The following SLC12A3 variants were observed in gnomAD, a reference collection of about 807,000 sequenced individuals.
SLC12A3 encodes the protein solute carrier family 12 member 3, also known as Na-Cl cotransporter.
Under a neutral mutation model 121.0 loss-of-function variants are expected in SLC12A3, and 104 were observed. The observed-to-expected ratio is 0.86, with a 90% CI of 0.73 to 1.01. SLC12A3 has a LOEUF of 1.01. Among genes scored for constraint, SLC12A3 ranks in the 50% least tolerant of loss-of-function variants. SLC12A3 has a pLI of 0.00. For synonymous variants in SLC12A3, 536 were observed against 533.4 expected, an observed-to-expected ratio of 1.00 and a Z score of -0.07; for missense variants, 1,328 against 1,356.3, an observed-to-expected ratio of 0.98 and a Z score of 0.33.
rs59478629 is a variant in SLC12A3, at chr16:56,873,374, CTTTTTTTTT to C, written c.1095+609_1095+617del. On this transcript the variant is annotated intron_variant, in intron 8 of 25. Transcript: ENST00000563236. Reference sequence around the variant, plus strand: ...AAGTCTGTTCTGTTTCTCTTTCTTTCTTTTTTTTTTTTTTTTTTTTTTTTTTTTTGAGAT... The same window carrying C: ...AAGTCTGTTCTGTTTCTCTTTCTTTCTTTTTTTTTTTTTTTTTTTTGAGAT... Among the ~76,000 whole-genome samples the C allele has an allele frequency of 8.0e-4, 60 of 75,392 alleles. 1 individual carries two copies. Among genetic ancestry groups the C allele is most frequent in the Non-Finnish European group, 6.6e-4 (27 of 41,104 alleles). The allele number at this position is 75,392 out of a possible 152,430, so 49.5% of individuals were successfully genotyped here.
At chr16:56,868,687 G>A (rs1437517742) in intron 3 of SLC12A3, among the ~76,000 whole-genome samples, 3 of 152,220 alleles carry the variant, frequency 2.0e-5, no homozygotes, top group Non-Finnish European at 2.9e-5. Flanking sequence ...CTCTGGCCGG[G>A]CACGGTGGCT....
chr16:56,892,956 A>G lies in SLC12A3; in HGVS notation c.2423A>G (p.Asp808Gly). Reference sequence around the variant, plus strand: ...GACCCGCCCCCACCTCCTGCAGTGGACCCCAAGGCCCTGGTGAAGGAGGAG... The same window carrying G: ...GACCCGCCCCCACCTCCTGCAGTGGGCCCCAAGGCCCTGGTGAAGGAGGAG... ...EDGKEASARV[D>G]PKALVKEEQA... The change falls in exon 21 of 26, where the codon GAC becomes GGC. Residue 808 changes from aspartate to glycine, a missense_variant. Coordinates refer to ENST00000563236, the MANE Select transcript of SLC12A3 (RefSeq NM_001126108.2). 1 of 1,613,854 alleles carries G rather than the reference A, an allele frequency of 6.2e-7. No homozygotes were observed. The highest frequency in any genetic ancestry group is 8.5e-7 in the Non-Finnish European group (1 of 1,179,810).
intron 11 of SLC12A3, 59 bp downstream of exon 11, chr16:56,879,708 A>C: frequency 7.8e-7 from 1 of 1,275,956 alleles, no homozygotes; most frequent in South Asian, 1.2e-5. Flanking sequence ...CTAGAGGCAC[A>C]ATAGGGCGGG....
At chr16:56,892,387 C>T (rs1042770167) in intron 20 of SLC12A3, among the ~76,000 whole-genome samples, 3 of 152,098 alleles carry the variant, frequency 2.0e-5, no homozygotes, top group Admixed American at 6.6e-5. Flanking sequence ...GGCAGGAGTT[C>T]CAGGCTGCAG....
chr16:56,881,163 C>T (rs2055235176), intron 12 of SLC12A3, among the ~76,000 whole-genome samples: 1 of 152,226 alleles, frequency 6.6e-6, no homozygotes, highest in Non-Finnish European at 1.5e-5. Flanking sequence ...GGCCAGCCTC[C>T]CTGGGCTCAT....
At position 56,865,240 on chromosome 16, in the gene SLC12A3, C is replaced by T. The variant is rs1365506259; in HGVS notation, c.5C>T (p.Ala2Val). 1.9e-6 allele frequency: 3 copies of T among 1,613,470 alleles called. No homozygotes were observed. Among genetic ancestry groups the T allele is most frequent in the Non-Finnish European group, 2.5e-6 (3 of 1,179,994 alleles). Residue 2 changes from alanine (A) to valine (V), a missense_variant, in exon 1 of 26, where the codon GCA (alanine) becomes GTA (valine). By Grantham distance (64) the Ala-to-Val change is moderately conservative (BLOSUM62 0). Coordinates refer to ENST00000563236, the MANE Select transcript of SLC12A3 (RefSeq NM_001126108.2). Reference protein sequence around the residue: MAELPTTETPGD... With the variant: MVELPTTETPGD... ...TCCCTGGACACCCAGGCGACAATGGCAGAACTGCCCACAACAGAGACGCCT... is the reference window on the plus strand; with the variant it reads ...TCCCTGGACACCCAGGCGACAATGGTAGAACTGCCCACAACAGAGACGCCT...
intron 19 of SLC12A3, among the ~76,000 whole-genome samples, chr16:56,891,478 C>T (rs774629688): frequency 3.9e-5 from 6 of 151,912 alleles, no homozygotes; most frequent in African/African-American, 9.7e-5. Flanking sequence ...TTGGAGTCCG[C>T]GTCTCTTGCA....
chr16:56,909,360 G>A (rs1313477864), intron 25 of SLC12A3, among the ~76,000 whole-genome samples: 3 of 150,550 alleles, frequency 2.0e-5, no homozygotes, highest in Non-Finnish European at 4.4e-5. Flanking sequence ...TAAGCCATAA[G>A]ATGAAGAATT....
At chr16:56,896,846 C>G (rs1207000931) in intron 22 of SLC12A3, among the ~76,000 whole-genome samples, 1 of 152,134 alleles carries the variant, frequency 6.6e-6, no homozygotes, top group Non-Finnish European at 1.5e-5. Context: ...AATCTCAGCA[C>G]TTTGGGAGAC....
At chr16:56,899,433 G>T in intron 22 of SLC12A3, 97 bp from the exon 23 acceptor site, 2 of 911,194 alleles carry the variant, frequency 2.2e-6, no homozygotes, top group Non-Finnish European at 3.7e-6. Context: ...AGGTTGCAGT[G>T]AATCGAGATT....
intron 23 of SLC12A3, 171 bp from the exon 24 acceptor site, chr16:56,902,202 G>A: frequency 1.3e-6 from 1 of 794,882 alleles, no homozygotes; most frequent in South Asian, 1.6e-5. Flanking sequence ...GCCAGACCCA[G>A]CCAGCAGAGC....
chr16:56,885,436 C>G lies in SLC12A3; in HGVS notation c.1925+72C>G, dbSNP rs12596776. 87,573 of 1,003,100 alleles carry G rather than the reference C, an allele frequency of 0.087. 4,208 individuals are homozygous for G. The highest frequency in any genetic ancestry group is 0.13 in the Middle Eastern group (595 of 4,680). The allele number at this position is 1,003,100 out of a possible 1,614,324, so 62.1% of individuals were successfully genotyped here. A position where few individuals can be genotyped will look rare whatever the true frequency, so the allele number is the denominator to read the frequency against. ...GGCTCCACCCTGGGAGTTTCCAAGC[C>G]TAGACCTGTCACCTGACCCAGGCAG... On this transcript the variant is annotated intron_variant, in intron 15 of 25. Transcript: ENST00000563236.
chr16:56,904,480 G>A lies in SLC12A3; in HGVS notation c.2924+18G>A. On this transcript the variant is annotated intron_variant, in intron 25 of 25. Transcript: ENST00000563236. The stretch of plus-strand genomic sequence containing the variant: ...ATCGTCATGTAAGTAGTGCCCGGCT[G>A]GTGGGAGGACCAGTCTGTCCAGAGT... 6.2e-7 allele frequency: 1 copy of A among 1,611,748 alleles called. No individual in the cohort carries two copies. Among genetic ancestry groups the A allele is most frequent in the Non-Finnish European group, 8.5e-7 (1 of 1,178,114 alleles).
intron 22 of SLC12A3, among the ~76,000 whole-genome samples, chr16:56,898,303 C>G (rs1470295298): frequency 2.0e-5 from 3 of 151,962 alleles, no homozygotes; most frequent in African/African-American, 7.3e-5. Context: ...GAGTCTTGCT[C>G]TGTCACCCAG....
At chr16:56,904,540 G>T in intron 25 of SLC12A3, 78 bp downstream of exon 25, 1 of 1,403,178 alleles carries the variant, frequency 7.1e-7, no homozygotes, top group Non-Finnish European at 1.0e-6. Context: ...GCTCAGCAGG[G>T]GCACCACGGA....
At chr16:56,890,987 C>T (rs1166517702) in intron 19 of SLC12A3, among the ~76,000 whole-genome samples, 2 of 151,512 alleles carry the variant, frequency 1.3e-5, no homozygotes, top group Non-Finnish European at 2.9e-5. Flanking sequence ...TATGAAAATA[C>T]ATAATGACCA....
rs1596966492 is a variant in SLC12A3, at chr16:56,914,691, C to T, written c.*1286C>T. Reference sequence around the variant, plus strand: ...GGAGGGGTATTGATGGCAGGAGAGTCAAAAAAGAGTTTTAAAGAAGGGGCA... The same window carrying T: ...GGAGGGGTATTGATGGCAGGAGAGTTAAAAAAGAGTTTTAAAGAAGGGGCA... On this transcript the variant is annotated 3_prime_UTR_variant, in exon 26 of 26. Coordinates refer to ENST00000563236, the MANE Select transcript of SLC12A3 (RefSeq NM_001126108.2). The T allele has an allele frequency of 6.6e-6, 1 of 151,968 alleles. No homozygotes were observed. Among genetic ancestry groups the T allele is most frequent in the African/African-American group, 2.4e-5 (1 of 41,332 alleles). The allele number at this position is 151,968 out of a possible 1,614,324, so 9.4% of individuals were successfully genotyped here.
chr16:56,894,779 G>T, intron 22 of SLC12A3, 137 bp downstream of exon 22: 1 of 688,064 alleles, frequency 1.5e-6, no homozygotes, highest in East Asian at 2.7e-5. Context: ...CCCAGGGCCA[G>T]CTCTCTCCAG....
In SLC12A3 at chr16:56,872,796, A is replaced by G. The variant is rs1270813241; in HGVS notation, c.1095+10A>G. 1 of 1,614,040 alleles carries G rather than the reference A, an allele frequency of 6.2e-7. No homozygotes were observed. Among genetic ancestry groups the G allele is most frequent in the Non-Finnish European group, 8.5e-7 (1 of 1,180,036 alleles). The stretch of plus-strand genomic sequence containing the variant: ...ATCTGGTGACCTCAAGGTGAGCAGA[A>G]TACTTGCCCCTCCTGTGTCCTGGCA... On this transcript the variant is annotated intron_variant, in intron 8 of 25. Transcript: ENST00000563236.
Sources: gnomAD v4.1 joint callset for allele counts (sites outside exome capture counted in the v4.1 genomes callset) on GRCh38, gnomAD v4.1.1 for gene constraint, MANE v1.5 for transcripts, NCBI Gene and HGNC (gene_info 2026-07-23, HGNC 2026-07-21) for gene names.